MCF2L2: variants seen among roughly 807,000 people sequenced by gnomAD.
The protein encoded by MCF2L2 is MCF.2 cell line derived transforming sequence-like 2, also known as probable guanine nucleotide exchange factor MCF2L2.
Under a neutral mutation model 150.2 loss-of-function variants are expected in MCF2L2, and 102 were observed. That is an observed-to-expected ratio of 0.68 (90% CI 0.58 to 0.80). MCF2L2 has a LOEUF of 0.80. Among genes scored for constraint, MCF2L2 ranks in the 30% least tolerant of loss-of-function variants. MCF2L2 has a pLI of 0.00. For missense variants in MCF2L2, 1,256 were observed against 1,372.8 expected (o/e 0.91, Z 1.34); for synonymous variants, 465 against 491.3 (o/e 0.95, Z 0.71).
rs527631425 is a variant in MCF2L2 at position 183,375,385 on chromosome 3, T to C, written c.275+3912A>G. 2.0e-5 allele frequency: 3 copies of C among 152,378 alleles called. No homozygotes were observed. The East Asian group carries it at 5.8e-4, about 29-fold the overall frequency. 9.4% of individuals were successfully genotyped at this position (152,378 alleles called of 1,614,324 possible). On this transcript the variant is annotated intron_variant, in intron 3 of 29. Transcript: ENST00000328913. ...AAGAACCCTCTCTTACAGGTCTGGATTGAAACCCCCTTTTTTCCTGAAGTT... is the reference window on the plus strand; with the variant it reads ...AAGAACCCTCTCTTACAGGTCTGGACTGAAACCCCCTTTTTTCCTGAAGTT...
In MCF2L2 at chr3:183,340,815, C is replaced by T. The variant is rs186551994; in HGVS notation, c.366+725G>A. On this transcript the variant is annotated intron_variant, in intron 4 of 29. Coordinates refer to ENST00000328913, the MANE Select transcript of MCF2L2 (RefSeq NM_015078.4). ...CAAATTAGCCAAGCGTGGTGGTGCACGCCTGCAATCTCAGCTACTTGGGAG... is the reference window on the plus strand; with the variant it reads ...CAAATTAGCCAAGCGTGGTGGTGCATGCCTGCAATCTCAGCTACTTGGGAG... 3.9e-5 allele frequency among the ~76,000 whole-genome samples: 6 copies of T among 152,162 alleles called. No homozygotes were observed. The East Asian group carries it at 5.8e-4, about 15-fold the overall frequency.
At chr3:183,231,040 AG>A (rs777119551) in intron 15 of MCF2L2, 23 bp from the exon 16 acceptor site, 1 of 1,572,154 alleles carries the variant, frequency 6.4e-7, no homozygotes, top group South Asian at 1.1e-5. Flanking sequence ...AGCAGGTGGG[AG>A]GGTGAAAGAG....
At position 183,179,496 on chromosome 3, in the gene MCF2L2, G is replaced by A. The variant is rs781605062; in HGVS notation, c.3229C>T (p.Arg1077Cys). The change falls in exon 30 of 30, where the codon CGC becomes TGC. Residue 1077 changes from arginine to cysteine, a missense_variant. Coordinates refer to ENST00000328913, the MANE Select transcript of MCF2L2 (RefSeq NM_015078.4). The surrounding 1 kb of genome is among the most constrained non-coding windows in gnomAD (Gnocchi z 4.2). ...EERDEEETAT[R>C]STEEERAGAS... ...CCAGCGCGCTCCTCCTCGGTGCTGCGGGTCGCCCTGCAATTCCGAGAAGAA... is the reference window on the plus strand; with the variant it reads ...CCAGCGCGCTCCTCCTCGGTGCTGCAGGTCGCCCTGCAATTCCGAGAAGAA... 4 of 1,609,158 alleles carry A rather than the reference G, an allele frequency of 2.5e-6. No homozygotes were observed. The highest frequency in any genetic ancestry group is 1.7e-6 in the Non-Finnish European group (2 of 1,177,132).
At chr3:183,193,591 C>T (rs1054693416) in intron 26 of MCF2L2, among the ~76,000 whole-genome samples, 6 of 152,086 alleles carry the variant, frequency 3.9e-5, no homozygotes, top group South Asian at 2.1e-4. Context: ...CCTTGTGATC[C>T]GCCCGCCTTG....
chr3:183,287,271 C>G (rs556690155), intron 14 of MCF2L2, among the ~76,000 whole-genome samples: 3 of 152,134 alleles, frequency 2.0e-5, no homozygotes, highest in Admixed American at 2.0e-4. Context: ...TTAAAACTCC[C>G]GTAGCATTTT....
intron 3 of MCF2L2, chr3:183,378,976 C>CA (rs1713357403): frequency 4.7e-6 from 1 of 210,870 alleles, no homozygotes; most frequent in Non-Finnish European, 9.3e-6. Context: ...GACTCCATCT[C>CA]AAAAATAAAA....
At chr3:183,347,390 T>TA (rs1489908758) in intron 3 of MCF2L2, among the ~76,000 whole-genome samples, 7 of 152,108 alleles carry the variant, frequency 4.6e-5, no homozygotes, top group African/African-American at 1.4e-4. Context: ...CCTTACAACT[T>TA]ATACAAAAAT....
intron 5 of MCF2L2, among the ~76,000 whole-genome samples, chr3:183,334,192 A>G (rs544001842): frequency 3.9e-5 from 6 of 152,202 alleles, no homozygotes; most frequent in Non-Finnish European, 8.8e-5. Flanking sequence ...GTAAATGATG[A>G]GAGTGCTGGA....
At chr3:183,263,906 T>C (rs1435371420) in intron 15 of MCF2L2, among the ~76,000 whole-genome samples, 1 of 152,140 alleles carries the variant, frequency 6.6e-6, no homozygotes, top group Admixed American at 6.5e-5. Flanking sequence ...GGGCCTTCTT[T>C]ATGCCTTCCT....
At chr3:183,419,765 C>T (rs905467641) in intron 1 of MCF2L2, among the ~76,000 whole-genome samples, 7 of 152,080 alleles carry the variant, frequency 4.6e-5, no homozygotes, top group Non-Finnish European at 7.4e-5. Context: ...CCCAGCTACT[C>T]GGGAGGCTGA....
chr3:183,252,115 C>T (rs750329286), intron 15 of MCF2L2, among the ~76,000 whole-genome samples: 8 of 151,420 alleles, frequency 5.3e-5, no homozygotes, highest in Non-Finnish European at 1.2e-4. Flanking sequence ...CATATGTATA[C>T]TGACACATGG....
chr3:183,323,697 C>T (rs1370592754), intron 5 of MCF2L2, among the ~76,000 whole-genome samples: 1 of 151,170 alleles, frequency 6.6e-6, no homozygotes, highest in Non-Finnish European at 1.5e-5. Flanking sequence ...ACTTGGGTGG[C>T]TAAGTCAAGA....
intron 9 of MCF2L2, 92 bp from the exon 10 acceptor site, chr3:183,309,927 C>G: frequency 6.7e-7 from 1 of 1,485,928 alleles, no homozygotes; most frequent in Non-Finnish European, 9.1e-7. Context: ...CTCAAAATTC[C>G]AAAAAGGATT....
At chr3:183,290,416 T>C (rs532075093) in intron 13 of MCF2L2, among the ~76,000 whole-genome samples, 1 of 152,358 alleles carries the variant, frequency 6.6e-6, no homozygotes, top group South Asian at 2.1e-4. Context: ...ACAAGGCTAA[T>C]AGATAAGAGG....
chr3:183,322,545 C>T (rs1367505519), intron 6 of MCF2L2, among the ~76,000 whole-genome samples: 3 of 152,238 alleles, frequency 2.0e-5, no homozygotes, highest in Admixed American at 6.5e-5. Flanking sequence ...TGTGTTAGTC[C>T]CATTTTAACA....
chr3:183,284,178 C>A (rs1031404856), intron 14 of MCF2L2, among the ~76,000 whole-genome samples: 2 of 152,166 alleles, frequency 1.3e-5, no homozygotes, highest in African/African-American at 4.8e-5. Flanking sequence ...GTTATTCTCT[C>A]TTTTATCTTA....
rs148915025 is a variant in MCF2L2, at chr3:183,272,417, G to A, written c.1862+4455C>T. ...ATGTCTCATATAATAAGGTGATGTC[G>A]GAAACACGCAAAACAAAACGAAAAA... On this transcript the variant is annotated intron_variant, in intron 15 of 29. Coordinates refer to ENST00000328913, the MANE Select transcript of MCF2L2 (RefSeq NM_015078.4). 2.4e-4 allele frequency: 238 copies of A among 1,000,112 alleles called. 1 individual carries two copies. Among genetic ancestry groups the A allele is most frequent in the African/African-American group, 2.4e-3 (136 of 57,320 alleles). The allele number at this position is 1,000,112 out of a possible 1,614,324, so 62.0% of individuals were successfully genotyped here. A position where few individuals can be genotyped will look rare whatever the true frequency, so the allele number is the denominator to read the frequency against.
intron 1 of MCF2L2, among the ~76,000 whole-genome samples, chr3:183,406,906 T>A (rs1715072407): frequency 6.6e-6 from 1 of 152,226 alleles, no homozygotes; most frequent in Non-Finnish European, 1.5e-5. Flanking sequence ...CAAATTTCTC[T>A]TATGAACCAG....
At chr3:183,296,829 G>A (rs1728531370) in intron 12 of MCF2L2, 147 bp downstream of exon 12, 2 of 770,232 alleles carry the variant, frequency 2.6e-6, no homozygotes, top group Non-Finnish European at 4.1e-6. Context: ...GAGAGTCTAA[G>A]AGGCCGCCGG....
Sources: allele counts gnomAD v4.1 joint callset (sites outside exome capture counted in the v4.1 genomes callset), GRCh38; gene constraint gnomAD v4.1.1; non-coding constraint Gnocchi (gnomAD v3.1); transcripts MANE v1.5; gene names NCBI Gene and HGNC (gene_info 2026-07-23, HGNC 2026-07-21).